MEF2A: variants seen among roughly 807,000 people sequenced by gnomAD.
The protein encoded by MEF2A is myocyte-specific enhancer factor 2A.
MEF2A carries 28 observed loss-of-function variants against 55.8 expected under a neutral mutation model. That is an observed-to-expected ratio of 0.50 (90% CI 0.37 to 0.69). MEF2A has a LOEUF of 0.69. Among genes scored for constraint, MEF2A ranks in the 30% least tolerant of loss-of-function variants. The pLI is 0.00. For missense variants in MEF2A, 528 were observed against 626.2 expected (o/e 0.84, Z 1.67); for synonymous variants, 239 against 227.1 (o/e 1.05, Z -0.47).
At chr15:99,622,991 C>T (rs1047983149) in intron 2 of MEF2A, among the ~76,000 whole-genome samples, 3 of 152,216 alleles carry the variant, frequency 2.0e-5, no homozygotes, top group South Asian at 2.1e-4. Flanking sequence ...TGAGCCACCA[C>T]GCCCGGCCCG....
chr15:99,619,652 A>G (rs1462177423), intron 2 of MEF2A, among the ~76,000 whole-genome samples: 1 of 152,182 alleles, frequency 6.6e-6, no homozygotes, highest in Admixed American at 6.5e-5. Flanking sequence ...GTTCTATACC[A>G]TGATTGAAAA....
chr15:99,679,929 A>G (rs1369176743), intron 7 of MEF2A, among the ~76,000 whole-genome samples: 3 of 152,200 alleles, frequency 2.0e-5, no homozygotes, highest in Admixed American at 1.3e-4. Flanking sequence ...TAGACACTCA[A>G]CACTCACATT....
At chr15:99,663,874 G>T (rs1234853788) in intron 4 of MEF2A, among the ~76,000 whole-genome samples, 1 of 151,990 alleles carries the variant, frequency 6.6e-6, no homozygotes. Context: ...TCACCAAGAG[G>T]TTTAGTATAT....
intron 4 of MEF2A, among the ~76,000 whole-genome samples, chr15:99,651,225 A>G (rs2046798730): frequency 6.6e-6 from 1 of 152,062 alleles, no homozygotes; most frequent in Non-Finnish European, 1.5e-5. Flanking sequence ...TGTGGTGGGG[A>G]TGAGTCGGAG....
chr15:99,592,328 C>T (rs944507809), intron 1 of MEF2A, among the ~76,000 whole-genome samples: 6 of 152,004 alleles, frequency 3.9e-5, no homozygotes, highest in Non-Finnish European at 7.4e-5. Context: ...TTGTTCTTTG[C>T]CTGGCCTTGT....
chr15:99,648,882 A>T (rs1379635912), intron 4 of MEF2A, among the ~76,000 whole-genome samples: 2 of 152,152 alleles, frequency 1.3e-5, no homozygotes, highest in East Asian at 3.8e-4. Context: ...AGTTAGATAT[A>T]GTGTGTTTTG....
At chr15:99,597,684 A>G (rs1275829758) in intron 1 of MEF2A, among the ~76,000 whole-genome samples, 2 of 152,120 alleles carry the variant, frequency 1.3e-5, no homozygotes, top group East Asian at 1.9e-4. Context: ...GCATCACGGA[A>G]CCTACCGACA....
chr15:99,706,591 T>A lies in MEF2A; in HGVS notation c.883-138T>A, dbSNP rs533737462. 130 of 854,230 alleles carry A rather than the reference T, an allele frequency of 1.5e-4. No individual in the cohort carries two copies. In the African/African-American group the frequency reaches 1.9e-3, roughly 12 times the overall value. The allele number at this position is 854,230 out of a possible 1,614,324, so 52.9% of individuals were successfully genotyped here. A position where few individuals can be genotyped will look rare whatever the true frequency, so the allele number is the denominator to read the frequency against. On this transcript the variant is annotated intron_variant, in intron 9 of 11. Transcript: ENST00000557942. Reference sequence around the variant, plus strand: ...TATTTAGTTATTCTCACTAGTATTTTTGAAGTTTTCACATCATCAGTGCTT... The same window carrying A: ...TATTTAGTTATTCTCACTAGTATTTATGAAGTTTTCACATCATCAGTGCTT...
chr15:99,669,627 A>AT (rs1192878063), intron 4 of MEF2A, among the ~76,000 whole-genome samples: 2 of 152,214 alleles, frequency 1.3e-5, no homozygotes, highest in African/African-American at 2.4e-5. Context: ...ATGCCAAGTA[A>AT]TTTAATAAGC....
At chr15:99,691,657 C>T (rs1305936970) in intron 8 of MEF2A, among the ~76,000 whole-genome samples, 2 of 151,930 alleles carry the variant, frequency 1.3e-5, no homozygotes, top group African/African-American at 4.8e-5. Flanking sequence ...GAGATCACAC[C>T]ACTGCACTCC....
At chr15:99,670,866 G>A (rs1394607397) in intron 4 of MEF2A, among the ~76,000 whole-genome samples, 1 of 152,222 alleles carries the variant, frequency 6.6e-6, no homozygotes, top group Non-Finnish European at 1.5e-5. Flanking sequence ...TTTCTGTTGA[G>A]TAGGATAAAA....
Position 99,715,988 on chromosome 15 carries a change from T to A in MEF2A, c.*3217T>A, listed in dbSNP as rs1373009156. ...AAGGATAACTAGTAATGCATCAACA[T>A]AATTTCTGTATTAACCATCATGCGC... On this transcript the variant is annotated 3_prime_UTR_variant, in exon 12 of 12. Transcript: ENST00000557942. 1 of 153,580 alleles carries A rather than the reference T, an allele frequency of 6.5e-6. No individual in the cohort carries two copies. Among genetic ancestry groups the A allele is most frequent in the Admixed American group, 6.4e-5 (1 of 15,554 alleles). 9.5% of individuals were successfully genotyped at this position (153,580 alleles called of 1,614,324 possible). A position where few individuals can be genotyped will look rare whatever the true frequency, so the allele number is the denominator to read the frequency against.
chr15:99,668,608 A>G (rs1361674436), intron 4 of MEF2A, among the ~76,000 whole-genome samples: 2 of 152,208 alleles, frequency 1.3e-5, no homozygotes, highest in African/African-American at 4.8e-5. Flanking sequence ...GCATTTTTCT[A>G]CTTTTTCTTT....
At position 99,696,911 on chromosome 15, in the gene MEF2A, AAAGT is replaced by A. The variant is rs1407819750; in HGVS notation, c.859-6444_859-6441del. Among the ~76,000 whole-genome samples the A allele has an allele frequency of 5.3e-5, 8 of 152,268 alleles. No homozygotes were observed. The South Asian group carries it at 1.2e-3, about 24-fold the overall frequency. On this transcript the variant is annotated intron_variant, in intron 8 of 11. Coordinates refer to ENST00000557942, the MANE Select transcript of MEF2A (RefSeq NM_001319206.4). ...CTCTAGACACAAAAATCCTCAGTAA[AAAGT>A]AAGTAAATTGAGCAATATATAAAAA...
intron 4 of MEF2A, among the ~76,000 whole-genome samples, chr15:99,658,886 A>T (rs1294747010): frequency 1.3e-5 from 2 of 152,292 alleles, no homozygotes; most frequent in East Asian, 3.9e-4. Flanking sequence ...GGCCAAGACC[A>T]AGTCAGGCTG....
At chr15:99,691,709 AAG>A (rs2055503443) in intron 8 of MEF2A, among the ~76,000 whole-genome samples, 1 of 152,172 alleles carries the variant, frequency 6.6e-6, no homozygotes, top group Non-Finnish European at 1.5e-5. Context: ...AGAAAAAAAA[AAG>A]AAAAAATTCT....
At chr15:99,623,052 C>T (rs1011285281) in intron 2 of MEF2A, among the ~76,000 whole-genome samples, 1 of 152,176 alleles carries the variant, frequency 6.6e-6, no homozygotes, top group Non-Finnish European at 1.5e-5. Flanking sequence ...CACAGTGACA[C>T]CCTCCTCTTG....
intron 1 of MEF2A, among the ~76,000 whole-genome samples, chr15:99,567,015 A>C (rs1596149933): frequency 6.6e-6 from 1 of 152,262 alleles, no homozygotes; most frequent in East Asian, 1.9e-4. Context: ...AGATAGTGCA[A>C]ACAAGTTTGG....
chr15:99,690,511 TG>T, intron 8 of MEF2A, 83 bp downstream of exon 8: 1 of 1,154,338 alleles, frequency 8.7e-7, no homozygotes, highest in Non-Finnish European at 1.2e-6. Context: ...TGGAATTTTC[TG>T]TGCCACCGTA....
Sources: allele counts gnomAD v4.1 joint callset (sites outside exome capture counted in the v4.1 genomes callset), GRCh38; gene constraint gnomAD v4.1.1; transcripts MANE v1.5; gene names NCBI Gene and HGNC (gene_info 2026-07-23, HGNC 2026-07-21).